KCNMB4: variants seen among roughly 807,000 people sequenced by gnomAD.
The protein encoded by KCNMB4 is calcium-activated potassium channel subunit beta-4.
KCNMB4 carries 3 observed loss-of-function variants against 20.7 expected under a neutral mutation model. The observed-to-expected ratio is 0.14, with a 90% CI of 0.07 to 0.37. The LOEUF (loss-of-function observed/expected upper bound fraction) is 0.37, where lower values mean the gene tolerates loss of function less well. Ranked by LOEUF, KCNMB4 falls within the 10% of genes least tolerant of loss-of-function variation. The probability of loss-of-function intolerance (pLI) is 1.00; values close to 1 mark genes in which losing one functional copy is unlikely to be tolerated. For synonymous variants in KCNMB4, 110 were observed against 113.4 expected (o/e 0.97, Z 0.19); for missense variants, 168 against 265.9 (o/e 0.63, Z 2.56).
intron 2 of KCNMB4, among the ~76,000 whole-genome samples, chr12:70,425,911 G>T (rs528379859): frequency 6.6e-6 from 1 of 152,210 alleles, no homozygotes; most frequent in Non-Finnish European, 1.5e-5. Context: ...GGCCGAGGCA[G>T]GCGGATTGCT....
intron 2 of KCNMB4, among the ~76,000 whole-genome samples, chr12:70,411,527 G>A (rs934568436): frequency 1.2e-4 from 18 of 152,040 alleles, no homozygotes; most frequent in African/African-American, 2.4e-4. Context: ...TTTCCTCTCC[G>A]TGAAGCAAGC....
At chr12:70,398,771 A>G (rs1437553727) in intron 1 of KCNMB4, among the ~76,000 whole-genome samples, 1 of 152,234 alleles carries the variant, frequency 6.6e-6, no homozygotes, top group East Asian at 1.9e-4. Flanking sequence ...AAAATATAGA[A>G]AAGACAGAAA....
intron 2 of KCNMB4, among the ~76,000 whole-genome samples, chr12:70,422,068 C>T (rs1284887703): frequency 1.3e-5 from 2 of 152,074 alleles, no homozygotes; most frequent in Non-Finnish European, 2.9e-5. Flanking sequence ...ATTCATCTCT[C>T]CCATACGAAT....
intron 1 of KCNMB4, among the ~76,000 whole-genome samples, chr12:70,370,516 C>T (rs1883573703): frequency 6.6e-6 from 1 of 151,854 alleles, no homozygotes; most frequent in African/African-American, 2.4e-5. Flanking sequence ...CCATGTTAGC[C>T]AGGATGGTCT....
chr12:70,423,606 T>C (rs1027552068), intron 2 of KCNMB4, among the ~76,000 whole-genome samples: 1 of 152,080 alleles, frequency 6.6e-6, no homozygotes, highest in Non-Finnish European at 1.5e-5. Flanking sequence ...AGCCCCTAAA[T>C]AGCCAAGACT....
intron 1 of KCNMB4, among the ~76,000 whole-genome samples, chr12:70,393,669 T>C (rs1040832344): frequency 1.1e-4 from 16 of 152,198 alleles, no homozygotes; most frequent in African/African-American, 3.4e-4. Context: ...CAACATATGA[T>C]AGTAAATTCT....
rs377383943 is a variant in KCNMB4, at chr12:70,401,604, C to A, written c.464+1268C>A. ...TACCTATTGCTGCATAACAAACCAC[C>A]CTAAACGTAGTGGCTTACTACAGCA... On this transcript the variant is annotated intron_variant, in intron 2 of 2. Coordinates refer to ENST00000258111, the MANE Select transcript of KCNMB4 (RefSeq NM_014505.6). 6.6e-4 allele frequency among the ~76,000 whole-genome samples: 101 copies of A among 151,972 alleles called. 1 individual carries two copies. Among genetic ancestry groups the A allele is most frequent in the African/African-American group, 2.4e-3 (98 of 41,464 alleles).
intron 2 of KCNMB4, among the ~76,000 whole-genome samples, chr12:70,411,442 A>T (rs1868773145): frequency 6.6e-6 from 1 of 152,192 alleles, no homozygotes; most frequent in Non-Finnish European, 1.5e-5. Flanking sequence ...ATAATATTTT[A>T]ATATTTTATT....
chr12:70,377,597 A>G (rs1883710021), intron 1 of KCNMB4, among the ~76,000 whole-genome samples: 1 of 152,130 alleles, frequency 6.6e-6, no homozygotes, highest in Non-Finnish European at 1.5e-5. Flanking sequence ...AGCTAAGACA[A>G]CGAAGTTTCC....
intron 2 of KCNMB4, among the ~76,000 whole-genome samples, chr12:70,428,533 C>T (rs896221927): frequency 3.9e-5 from 6 of 152,156 alleles, no homozygotes; most frequent in Non-Finnish European, 7.3e-5. Flanking sequence ...AAAAGAATCA[C>T]GGCAGTGCTG....
chr12:70,407,986 T>G (rs1002008510), intron 2 of KCNMB4, among the ~76,000 whole-genome samples: 1 of 152,124 alleles, frequency 6.6e-6, no homozygotes, highest in Non-Finnish European at 1.5e-5. Flanking sequence ...AAATACAAAT[T>G]TCTTATTATG....
In KCNMB4 at chr12:70,414,745, T is replaced by C. The variant is rs894519975; in HGVS notation, c.464+14409T>C. On this transcript the variant is annotated intron_variant, in intron 2 of 2. Coordinates refer to ENST00000258111, the MANE Select transcript of KCNMB4 (RefSeq NM_014505.6). ...AACATTTGATTTATACATGCTGCTCTTTATTAAAGCAGGTTCCCTCCATTC... is the reference window on the plus strand; with the variant it reads ...AACATTTGATTTATACATGCTGCTCCTTATTAAAGCAGGTTCCCTCCATTC... 4.6e-5 allele frequency among the ~76,000 whole-genome samples: 7 copies of C among 152,236 alleles called. 1 individual carries two copies. Among genetic ancestry groups the C allele is most frequent in the Admixed American group, 6.5e-5 (1 of 15,286 alleles).
At position 70,400,274 on chromosome 12, in the gene KCNMB4, A is replaced by T. The variant is rs749036185; in HGVS notation, c.402A>T (p.Gln134His). Reference protein sequence around the residue: ...QKNLESVMNWQQYWKDEIGSQ... With the variant: ...QKNLESVMNWHQYWKDEIGSQ... ...ATTTGGAAAGTGTCATGAATTGGCA[A>T]CAGTACTGGAAAGATGAGATTGGTT... is the stretch of plus-strand genomic sequence containing the variant. The change falls in exon 2 of 3, where the codon CAA (glutamine) becomes CAT (histidine). Residue 134 changes from glutamine (Q) to histidine (H), a missense_variant. By Grantham distance (24) the Gln-to-His change is conservative (BLOSUM62 0). Coordinates refer to ENST00000258111, the MANE Select transcript of KCNMB4 (RefSeq NM_014505.6). 3.7e-6 allele frequency: 6 copies of T among 1,612,928 alleles called. No individual in the cohort carries two copies. In the South Asian group the frequency reaches 6.6e-5, roughly 18 times the overall value.
intron 1 of KCNMB4, among the ~76,000 whole-genome samples, chr12:70,370,634 A>G (rs1035531830): frequency 1.3e-5 from 2 of 151,996 alleles, no homozygotes; most frequent in Admixed American, 1.3e-4. Context: ...GGGAGTCGGT[A>G]TAAAAGGAAA....
rs555885982 is a variant in KCNMB4 at position 70,413,498 on chromosome 12, T to C, written c.464+13162T>C. Among the ~76,000 whole-genome samples, 22 of 152,246 alleles carry C rather than the reference T, an allele frequency of 1.4e-4. No individual in the cohort carries two copies. In the South Asian group the frequency reaches 1.5e-3, roughly 10 times the overall value. ...GGAGACTCCACTCCATTTCTATCCA[T>C]GGCTCTCTTCGTGACTTAGTGATTG... On this transcript the variant is annotated intron_variant, in intron 2 of 2. Transcript: ENST00000258111.
intron 2 of KCNMB4, 92 bp from the exon 3 acceptor site, chr12:70,430,393 A>T: frequency 1.5e-6 from 2 of 1,340,588 alleles, no homozygotes; most frequent in Non-Finnish European, 2.1e-6. Flanking sequence ...AATAATGGTT[A>T]TGGAAAGCAA....
chr12:70,421,051 CAAAAA>C (rs5798982), intron 2 of KCNMB4, among the ~76,000 whole-genome samples: 1 of 119,888 alleles, frequency 8.3e-6, no homozygotes. Context: ...GACTCCGTCT[CAAAAA>C]AAAAAAAAAA....
At chr12:70,406,498 A>G (rs539807288) in intron 2 of KCNMB4, among the ~76,000 whole-genome samples, 2 of 152,318 alleles carry the variant, frequency 1.3e-5, no homozygotes, top group African/African-American at 4.8e-5. Flanking sequence ...ACAGAATGAA[A>G]TAAAATGCTG....
intron 2 of KCNMB4, among the ~76,000 whole-genome samples, chr12:70,415,299 G>A (rs1242792548): frequency 6.6e-6 from 1 of 152,088 alleles, no homozygotes; most frequent in African/African-American, 2.4e-5. Flanking sequence ...TGGACAATAT[G>A]GTCTACCTCC....
Sources: allele counts gnomAD v4.1 joint callset (sites outside exome capture counted in the v4.1 genomes callset), GRCh38; gene constraint gnomAD v4.1.1; transcripts MANE v1.5; gene names NCBI Gene and HGNC (gene_info 2026-07-23, HGNC 2026-07-21).